Variants in GPR158 observed in about 807,000 individuals in gnomAD.
The protein encoded by GPR158 is metabotropic glycine receptor.
In GPR158, 30 loss-of-function variants were observed where a neutral mutation model predicts 78.2. The ratio of observed to expected loss-of-function variants is 0.38; its 90% CI spans 0.29 to 0.52. The LOEUF (loss-of-function observed/expected upper bound fraction) is 0.52. Among genes scored for constraint, GPR158 ranks in the 20% least tolerant of loss-of-function variants. The probability of loss-of-function intolerance (pLI) is 0.83; values close to 1 mark genes in which losing one functional copy is unlikely to be tolerated. For synonymous variants in GPR158, 581 were observed against 591.1 expected (o/e 0.98, Z 0.25); for missense variants, 1,463 against 1,523.5 (o/e 0.96, Z 0.66).
intron 3 of GPR158, among the ~76,000 whole-genome samples, chr10:25,408,526 T>C (rs1185033593): frequency 6.6e-6 from 1 of 152,202 alleles, no homozygotes; most frequent in Non-Finnish European, 1.5e-5. Context: ...CAGTGCTCTA[T>C]GACTTTTGAC....
chr10:25,359,551 T>G (rs1229516565), intron 2 of GPR158, among the ~76,000 whole-genome samples: 3 of 152,156 alleles, frequency 2.0e-5, no homozygotes, highest in African/African-American at 4.8e-5. Flanking sequence ...GAATGATGGT[T>G]TCCAGCTTCA....
At chr10:25,487,051 C>T (rs962594039) in intron 5 of GPR158, among the ~76,000 whole-genome samples, 3 of 152,016 alleles carry the variant, frequency 2.0e-5, no homozygotes, top group Non-Finnish European at 2.9e-5. Context: ...CTTTTATCCC[C>T]CTTTTAAATG....
intron 2 of GPR158, among the ~76,000 whole-genome samples, chr10:25,322,368 G>C (rs998827931): frequency 6.7e-6 from 1 of 148,490 alleles, no homozygotes; most frequent in Non-Finnish European, 1.5e-5. Flanking sequence ...GTGACAGAGC[G>C]AGACTCCGTC....
chr10:25,393,135 C>T (rs867264804), intron 2 of GPR158, among the ~76,000 whole-genome samples: 22 of 152,142 alleles, frequency 1.4e-4, no homozygotes, highest in African/African-American at 5.3e-4. Context: ...CTAATCAATT[C>T]AATTTTTTAA....
In GPR158 at chr10:25,175,071, G is replaced by T; in HGVS notation, c.-350G>T. On this transcript the variant is annotated 5_prime_UTR_variant, in exon 1 of 11. Coordinates refer to ENST00000376351, the MANE Select transcript of GPR158 (RefSeq NM_020752.3). This position sits in a 1 kb window ranked among gnomAD's most constrained non-coding sequence, Gnocchi z 6.4. ...CTTCTGAACGCGCCTCAATGAGAGCGGCGGTGGCGGCAGCCGGGCCGAGAG... is the reference window on the plus strand; with the variant it reads ...CTTCTGAACGCGCCTCAATGAGAGCTGCGGTGGCGGCAGCCGGGCCGAGAG... 1 of 220,596 alleles carries T rather than the reference G, an allele frequency of 4.5e-6. No homozygotes were observed. Among genetic ancestry groups the T allele is most frequent in the South Asian group, 8.9e-5 (1 of 11,182 alleles). 13.7% of individuals were successfully genotyped at this position (220,596 alleles called of 1,614,324 possible).
In GPR158 at chr10:25,322,055, G is replaced by A. The variant is rs369269816; in HGVS notation, c.1009-73856G>A. 4.6e-5 allele frequency among the ~76,000 whole-genome samples: 7 copies of A among 152,194 alleles called. No homozygotes were observed. The East Asian group carries it at 1.2e-3, about 25-fold the overall frequency. Reference sequence around the variant, plus strand: ...TCAAATTTGAGTATATTCAGACCACGTTGTAGTTATATATTACTGGAGATT... The same window carrying A: ...TCAAATTTGAGTATATTCAGACCACATTGTAGTTATATATTACTGGAGATT... On this transcript the variant is annotated intron_variant, in intron 2 of 10. Transcript: ENST00000376351.
At chr10:25,178,448 C>G (rs1421771123) in intron 1 of GPR158, among the ~76,000 whole-genome samples, 1 of 152,292 alleles carries the variant, frequency 6.6e-6, no homozygotes, top group South Asian at 2.1e-4. Context: ...GATCAGAAAG[C>G]ATAGGTTGCC....
chr10:25,365,874 C>A (rs1374955505), intron 2 of GPR158, among the ~76,000 whole-genome samples: 1 of 151,706 alleles, frequency 6.6e-6, no homozygotes, highest in Admixed American at 6.6e-5. Context: ...GTCCCCTACC[C>A]AATCACATCC....
chr10:25,453,867 G>A (rs1026041525), intron 4 of GPR158, among the ~76,000 whole-genome samples: 1 of 152,100 alleles, frequency 6.6e-6, no homozygotes, highest in East Asian at 1.9e-4. Context: ...GTATTGTGAT[G>A]CCTCCAACTT....
intron 2 of GPR158, among the ~76,000 whole-genome samples, chr10:25,252,626 A>G (rs28838649): frequency 0.015 from 2,240 of 149,356 alleles, 14 homozygotes; most frequent in Middle Eastern, 0.038. Flanking sequence ...TAGGCTGCTC[A>G]GGGGTCAGGG....
chr10:25,423,165 G>A (rs1834777114), intron 4 of GPR158, among the ~76,000 whole-genome samples: 1 of 147,730 alleles, frequency 6.8e-6, no homozygotes, highest in African/African-American at 2.5e-5. Flanking sequence ...ATGTATATAT[G>A]TGTGTATATA....
rs771208048 is a variant in GPR158, at chr10:25,345,463, G to A, written c.1009-50448G>A. Among the ~76,000 whole-genome samples the A allele has an allele frequency of 2.0e-5, 3 of 151,798 alleles. No homozygotes were observed. In the South Asian group the frequency reaches 6.2e-4, roughly 31 times the overall value. ...ATATTTCTATTAATGTTATAATGTA[G>A]TCATTTGTATTTTTATAAATTTAAA... On this transcript the variant is annotated intron_variant, in intron 2 of 10. Transcript: ENST00000376351.
At chr10:25,345,579 C>A (rs1855361476) in intron 2 of GPR158, among the ~76,000 whole-genome samples, 1 of 151,942 alleles carries the variant, frequency 6.6e-6, no homozygotes, top group Admixed American at 6.6e-5. Flanking sequence ...ATTCTCATAT[C>A]CTAGTAATTT....
In GPR158 at chr10:25,583,257, T is replaced by C. The variant is rs941801394; in HGVS notation, c.1754-5750T>C. On this transcript the variant is annotated intron_variant, in intron 7 of 10. Coordinates refer to ENST00000376351, the MANE Select transcript of GPR158 (RefSeq NM_020752.3). ...TATCTCGGAGCTGAATCAACTGACT[T>C]TAAGGCCAGCAGAATAACAGCAGCT... is the stretch of plus-strand genomic sequence containing the variant. Among the ~76,000 whole-genome samples, 5 of 151,978 alleles carry C rather than the reference T, an allele frequency of 3.3e-5. No homozygotes were observed. The East Asian group carries it at 7.7e-4, about 23-fold the overall frequency.
At chr10:25,366,964 G>A (rs777043989) in intron 2 of GPR158, among the ~76,000 whole-genome samples, 1 of 151,448 alleles carries the variant, frequency 6.6e-6, no homozygotes, top group Non-Finnish European at 1.5e-5. Flanking sequence ...TATAGACCTT[G>A]TTTAATTTGA....
chr10:25,233,439 G>A (rs1439191710), intron 2 of GPR158, among the ~76,000 whole-genome samples: 1 of 151,824 alleles, frequency 6.6e-6, no homozygotes, highest in Admixed American at 6.6e-5. Context: ...AGATTCTATT[G>A]AGTTGATTCT....
At chr10:25,288,530 A>G (rs114650701) in intron 2 of GPR158, among the ~76,000 whole-genome samples, 1 of 152,178 alleles carries the variant, frequency 6.6e-6, no homozygotes, top group Non-Finnish European at 1.5e-5. Flanking sequence ...ATTCATTTTT[A>G]AAAAATTTCT....
At chr10:25,565,904 C>T (rs1046908875) in intron 6 of GPR158, among the ~76,000 whole-genome samples, 2 of 152,060 alleles carry the variant, frequency 1.3e-5, no homozygotes, top group Non-Finnish European at 2.9e-5. Flanking sequence ...GAAGGGGTCT[C>T]GAATGGGTAG....
intron 2 of GPR158, among the ~76,000 whole-genome samples, chr10:25,375,791 C>T (rs1834070797): frequency 1.3e-5 from 2 of 151,496 alleles, no homozygotes; most frequent in African/African-American, 4.8e-5. Flanking sequence ...ATTACTGTAG[C>T]TTTGTAATGA....
Sources: gnomAD v4.1 joint callset for allele counts (sites outside exome capture counted in the v4.1 genomes callset) on GRCh38, gnomAD v4.1.1 for gene constraint, Gnocchi (gnomAD v3.1) non-coding constraint, MANE v1.5 for transcripts, NCBI Gene and HGNC (gene_info 2026-07-23, HGNC 2026-07-21) for gene names.